The following TTC7B variants were observed in gnomAD, a reference collection of about 807,000 sequenced individuals.
TTC7B encodes the protein tetratricopeptide repeat domain 7B.
Under a neutral mutation model 106.8 loss-of-function variants are expected in TTC7B, and 28 were observed. The ratio of observed to expected loss-of-function variants is 0.26; its 90% CI spans 0.19 to 0.36. The LOEUF (loss-of-function observed/expected upper bound fraction) is 0.36, where lower values mean the gene tolerates loss of function less well. Among genes scored for constraint, TTC7B ranks in the 10% least tolerant of loss-of-function variants. The probability of loss-of-function intolerance (pLI) is 1.00; values close to 1 mark genes in which losing one functional copy is unlikely to be tolerated. For synonymous variants in TTC7B, 405 were observed against 430.6 expected, an observed-to-expected ratio of 0.94 and a Z score of 0.74; for missense variants, 862 against 1,076.4, an observed-to-expected ratio of 0.80 and a Z score of 2.79.
chr14:90,553,119 G>T (rs1474968896), intron 19 of TTC7B, among the ~76,000 whole-genome samples: 5 of 152,274 alleles, frequency 3.3e-5, no homozygotes, highest in Non-Finnish European at 7.4e-5. Context: ...GAGCAGGGGA[G>T]ACCCCCAGCA....
intron 4 of TTC7B, among the ~76,000 whole-genome samples, chr14:90,732,267 G>C (rs1490546815): frequency 6.6e-6 from 1 of 152,136 alleles, no homozygotes; most frequent in Admixed American, 6.5e-5. Context: ...AACTATGTCT[G>C]TGACTATCCA....
At chr14:90,658,520 A>C in intron 9 of TTC7B, 133 bp from the exon 10 acceptor site, 2 of 834,120 alleles carry the variant, frequency 2.4e-6, no homozygotes, top group Non-Finnish European at 3.9e-6. Context: ...TTAAAACATA[A>C]TCCACCACCA....
intron 15 of TTC7B, among the ~76,000 whole-genome samples, chr14:90,631,972 G>T (rs922516680): frequency 6.6e-6 from 1 of 152,098 alleles, no homozygotes; most frequent in African/African-American, 2.4e-5. Context: ...AGGGGATGGG[G>T]TTTTGTTTCG....
chr14:90,690,125 C>T (rs942739), intron 6 of TTC7B, among the ~76,000 whole-genome samples: 123,044 of 152,158 alleles, frequency 0.81, 50,052 homozygotes, highest in East Asian at 0.99. Flanking sequence ...GCTTAGATAA[C>T]GCTATCCCTG....
intron 4 of TTC7B, among the ~76,000 whole-genome samples, chr14:90,740,745 G>A (rs925826215): frequency 5.9e-5 from 9 of 151,934 alleles, no homozygotes; most frequent in South Asian, 2.1e-4. Context: ...CAGGTGATCC[G>A]CCCACCTCAT....
chr14:90,596,343 C>A (rs1238849773), intron 17 of TTC7B, among the ~76,000 whole-genome samples: 1 of 152,152 alleles, frequency 6.6e-6, no homozygotes, highest in Non-Finnish European at 1.5e-5. Flanking sequence ...GCCAAAGTTT[C>A]TTCTCTTTGT....
rs371738836 is a variant in TTC7B, at chr14:90,745,614, T to C, written c.446-692A>G. Among the ~76,000 whole-genome samples the C allele has an allele frequency of 2.0e-5, 3 of 152,200 alleles. No individual in the cohort carries two copies. In the South Asian group the frequency reaches 6.2e-4, roughly 31 times the overall value. ...TCATCAAATGTTAAACCAACCTTCC[T>C]TTCCCAGCAAAAATACCACTTGGCC... On this transcript the variant is annotated intron_variant, in intron 3 of 19. Coordinates refer to ENST00000328459, the MANE Select transcript of TTC7B (RefSeq NM_001010854.2).
In TTC7B at chr14:90,549,174, C is replaced by G. The variant is rs185314896; in HGVS notation, c.2311-7585G>C. Reference sequence around the variant, plus strand: ...TTCTTAGCATCTGCAAGTCAGCCACCGCTCATTGCAGCTGGTGGAGGTCAA... The same window carrying G: ...TTCTTAGCATCTGCAAGTCAGCCACGGCTCATTGCAGCTGGTGGAGGTCAA... On this transcript the variant is annotated intron_variant, in intron 19 of 19. Coordinates refer to ENST00000328459, the MANE Select transcript of TTC7B (RefSeq NM_001010854.2). 2.4e-3 allele frequency among the ~76,000 whole-genome samples: 372 copies of G among 152,166 alleles called. 3 individuals carry two copies. Among genetic ancestry groups the G allele is most frequent in the East Asian group, 0.019 (98 of 5,168 alleles).
chr14:90,696,195 G>C (rs1887739504), intron 5 of TTC7B, among the ~76,000 whole-genome samples: 1 of 152,180 alleles, frequency 6.6e-6, no homozygotes, highest in Admixed American at 6.5e-5. Context: ...CCCTGAGTGT[G>C]AGCAGAGCAC....
chr14:90,602,546 A>T (rs914135028), intron 17 of TTC7B, among the ~76,000 whole-genome samples: 8 of 152,246 alleles, frequency 5.3e-5, no homozygotes, highest in Middle Eastern at 3.4e-3. Flanking sequence ...GCCAAAAATT[A>T]AAAAATTAGC....
At chr14:90,815,792 C>A (rs1437786520) in intron 1 of TTC7B, among the ~76,000 whole-genome samples, 2 of 152,140 alleles carry the variant, frequency 1.3e-5, no homozygotes, top group Non-Finnish European at 2.9e-5. Context: ...GTGGACTTCA[C>A]CCATGTCCTG....
intron 19 of TTC7B, among the ~76,000 whole-genome samples, chr14:90,556,754 G>A (rs1890325468): frequency 6.6e-6 from 1 of 152,120 alleles, no homozygotes; most frequent in South Asian, 2.1e-4. Flanking sequence ...TGTGCCCCAG[G>A]CCATGTGCGC....
intron 1 of TTC7B, among the ~76,000 whole-genome samples, chr14:90,788,237 T>A (rs926521869): frequency 6.6e-6 from 1 of 151,836 alleles, no homozygotes; most frequent in East Asian, 1.9e-4. Flanking sequence ...GCATACAGAG[T>A]ACACTGGGGT....
intron 3 of TTC7B, among the ~76,000 whole-genome samples, chr14:90,756,138 T>C (rs1890285672): frequency 6.6e-6 from 1 of 152,110 alleles, no homozygotes; most frequent in African/African-American, 2.4e-5. Flanking sequence ...ATCACTGGTG[T>C]GATGAGTAAG....
chr14:90,649,739 C>T (rs997767120), intron 13 of TTC7B, among the ~76,000 whole-genome samples: 32 of 151,840 alleles, frequency 2.1e-4, no homozygotes, highest in African/African-American at 7.5e-4. Flanking sequence ...CAGCCAACCA[C>T]CCACCCATCC....
intron 19 of TTC7B, among the ~76,000 whole-genome samples, chr14:90,561,095 C>T (rs1176572339): frequency 6.6e-6 from 1 of 152,218 alleles, no homozygotes; most frequent in African/African-American, 2.4e-5. Context: ...CCCCATGCAT[C>T]TGTGTGGTGC....
In TTC7B at chr14:90,600,972, C is replaced by A. The variant is rs1368360063; in HGVS notation, c.1967-7346G>T. Among the ~76,000 whole-genome samples the A allele has an allele frequency of 6.6e-6, 1 of 152,100 alleles. No individual in the cohort carries two copies. Among genetic ancestry groups the A allele is most frequent in the Non-Finnish European group, 1.5e-5 (1 of 68,014 alleles). Reference sequence around the variant, plus strand: ...CTCTGAGCCTCCAAGTGCCTGACTGCCGGCGTCCTGGGGAAAGCCTCCCAG... The same window carrying A: ...CTCTGAGCCTCCAAGTGCCTGACTGACGGCGTCCTGGGGAAAGCCTCCCAG... On this transcript the variant is annotated intron_variant, in intron 17 of 19. Coordinates refer to ENST00000328459, the MANE Select transcript of TTC7B (RefSeq NM_001010854.2). This position sits in a 1 kb window ranked among gnomAD's most constrained non-coding sequence, Gnocchi z 4.3.
intron 17 of TTC7B, chr14:90,602,142 G>A (rs1399497366): frequency 1.1e-5 from 5 of 455,974 alleles, no homozygotes; most frequent in Non-Finnish European, 1.8e-5. Flanking sequence ...TCATTCAAAT[G>A]CACTGGATCC....
At chr14:90,701,217 A>G (rs978128934) in intron 5 of TTC7B, among the ~76,000 whole-genome samples, 1 of 152,164 alleles carries the variant, frequency 6.6e-6, no homozygotes, top group Non-Finnish European at 1.5e-5. Context: ...GTCTCACCTC[A>G]AACCTTATGA....
Sources: allele counts gnomAD v4.1 joint callset (sites outside exome capture counted in the v4.1 genomes callset), GRCh38; gene constraint gnomAD v4.1.1; non-coding constraint Gnocchi (gnomAD v3.1); transcripts MANE v1.5; gene names NCBI Gene and HGNC (gene_info 2026-07-23, HGNC 2026-07-21).